Variants in ANGPT1 observed in about 807,000 individuals in gnomAD.
ANGPT1 encodes the protein angiopoietin-1.
ANGPT1 carries 17 observed loss-of-function variants against 62.2 expected under a neutral mutation model. The observed-to-expected ratio is 0.27, with a 90% confidence interval of 0.19 to 0.41. The LOEUF (loss-of-function observed/expected upper bound fraction) is 0.41, where lower values mean the gene tolerates loss of function less well. Among genes scored for constraint, ANGPT1 ranks in the 10% least tolerant of loss-of-function variants. The pLI is 1.00. For missense variants in ANGPT1, 478 were observed against 594.9 expected, an observed-to-expected ratio of 0.80 and a Z score of 2.04; for synonymous variants, 199 against 198.9, an observed-to-expected ratio of 1.00 and a Z score of 0.00.
chr8:107,319,096 AAAG>A (rs1281893148), intron 4 of ANGPT1, among the ~76,000 whole-genome samples: 1 of 152,180 alleles, frequency 6.6e-6, no homozygotes, highest in East Asian at 1.9e-4. Context: ...ATCGAAGGAG[AAAG>A]AAGAAACTAA....
rs149930759 is a variant in ANGPT1, at chr8:107,370,407, A to AGAAAGAAAGAAAGGAAGGAAG, written c.298-23311_298-23310insCTTCCTTCCTTTCTTTCTTTC. ...AAGAAAGAAAGAAAGAAAGAAAGAA[A>AGAAAGAAAGAAAGGAAGGAAG]GAGTCAGGGTCAGTGGCTCAGGCCT... On this transcript the variant is annotated intron_variant, in intron 1 of 8. Coordinates refer to ENST00000517746, the MANE Select transcript of ANGPT1 (RefSeq NM_001146.5). 5.6e-5 allele frequency among the ~76,000 whole-genome samples: 4 copies of AGAAAGAAAGAAAGGAAGGAAG among 71,940 alleles called. 1 individual carries two copies. The highest frequency in any genetic ancestry group is 1.4e-4 in the African/African-American group (3 of 21,004). 47.2% of individuals were successfully genotyped at this position (71,940 alleles called of 152,430 possible).
At chr8:107,278,172 C>A (rs1813909569) in intron 7 of ANGPT1, among the ~76,000 whole-genome samples, 1 of 151,758 alleles carries the variant, frequency 6.6e-6, no homozygotes, top group Non-Finnish European at 1.5e-5. Flanking sequence ...ACCTCCTGGG[C>A]TCAAGCAATC....
chr8:107,344,915 G>T (rs547694188), intron 2 of ANGPT1, among the ~76,000 whole-genome samples: 1 of 152,278 alleles, frequency 6.6e-6, no homozygotes, highest in East Asian at 1.9e-4. Flanking sequence ...ATCAGGATTT[G>T]AGTTCACTTG....
At chr8:107,378,261 T>C (rs1392136637) in intron 1 of ANGPT1, among the ~76,000 whole-genome samples, 1 of 152,194 alleles carries the variant, frequency 6.6e-6, no homozygotes, top group East Asian at 1.9e-4. Context: ...GAACCATATA[T>C]TTTAATCTGC....
At chr8:107,464,060 GGTGA>G (rs1426974054) in intron 1 of ANGPT1, among the ~76,000 whole-genome samples, 1 of 152,130 alleles carries the variant, frequency 6.6e-6, no homozygotes, top group Non-Finnish European at 1.5e-5. Flanking sequence ...AATTTAGTGT[GGTGA>G]GTAAGAACAT....
At chr8:107,307,325 C>T (rs185882385) in intron 4 of ANGPT1, among the ~76,000 whole-genome samples, 1 of 152,218 alleles carries the variant, frequency 6.6e-6, no homozygotes, top group Admixed American at 6.5e-5. Context: ...TCCCAACCCC[C>T]AGATGGGCAT....
intron 1 of ANGPT1, among the ~76,000 whole-genome samples, chr8:107,431,081 T>G (rs1394256463): frequency 6.6e-6 from 1 of 152,196 alleles, no homozygotes; most frequent in Non-Finnish European, 1.5e-5. Flanking sequence ...CTCCCCTTGG[T>G]AAAATGGAGA....
At chr8:107,497,085 C>T (rs1813122387) in intron 1 of ANGPT1, among the ~76,000 whole-genome samples, 177 bp downstream of exon 1, 1 of 152,114 alleles carries the variant, frequency 6.6e-6, no homozygotes, top group Non-Finnish European at 1.5e-5. Context: ...TTGGGCAAGC[C>T]CCCAAACCTT....
At chr8:107,451,612 C>G (rs11991529) in intron 1 of ANGPT1, among the ~76,000 whole-genome samples, 7 of 151,760 alleles carry the variant, frequency 4.6e-5, no homozygotes, top group Non-Finnish European at 1.0e-4. Context: ...AAACATGGAA[C>G]TTGTTATTTT....
intron 1 of ANGPT1, among the ~76,000 whole-genome samples, chr8:107,377,814 A>G (rs34104344): frequency 9.9e-5 from 15 of 152,232 alleles, no homozygotes; most frequent in Admixed American, 2.0e-4. Flanking sequence ...ACGTAAAAAC[A>G]GATGAGTGCA....
At chr8:107,482,428 A>C (rs951792108) in intron 1 of ANGPT1, among the ~76,000 whole-genome samples, 1 of 152,188 alleles carries the variant, frequency 6.6e-6, no homozygotes, top group African/African-American at 2.4e-5. Context: ...ATGGAGACTC[A>C]CTAACCACAG....
intron 8 of ANGPT1, among the ~76,000 whole-genome samples, chr8:107,259,743 T>C (rs1813450858): frequency 6.6e-6 from 1 of 152,086 alleles, no homozygotes; most frequent in African/African-American, 2.4e-5. Flanking sequence ...ATAACATTAA[T>C]AATTTTAGTT....
rs1430777927 is a variant in ANGPT1, at chr8:107,497,445, A to ATGTTGAATCCGGT, written c.101_113dup (p.His38GlnfsTer23). 6.2e-7 allele frequency: 1 copy of ATGTTGAATCCGGT among 1,614,050 alleles called. No individual in the cohort carries two copies. Among genetic ancestry groups the ATGTTGAATCCGGT allele is most frequent in the Non-Finnish European group, 8.5e-7 (1 of 1,180,032 alleles). ...GAATGAAAGTGTAGGCACATTGCCC[A>ATGTTGAATCCGGT]TGTTGAATCCGGTTATATCTTCTCC... is the stretch of plus-strand genomic sequence containing the variant. On this transcript the variant is annotated frameshift_variant, in exon 1 of 9. Coordinates refer to ENST00000517746, the MANE Select transcript of ANGPT1 (RefSeq NM_001146.5). LOFTEE classifies it high-confidence loss of function.
intron 4 of ANGPT1, among the ~76,000 whole-genome samples, chr8:107,314,298 C>T (rs922189259): frequency 2.0e-5 from 3 of 152,172 alleles, no homozygotes; most frequent in African/African-American, 7.2e-5. Context: ...GGAGATATCC[C>T]TTTTCAGATA....
chr8:107,392,337 A>G (rs1380108607), intron 1 of ANGPT1, among the ~76,000 whole-genome samples: 1 of 152,146 alleles, frequency 6.6e-6, no homozygotes, highest in Non-Finnish European at 1.5e-5. Flanking sequence ...GTCTTTTCCC[A>G]TATGCTCAAA....
Position 107,302,035 on chromosome 8 carries a change from A to G in ANGPT1, c.936+1205T>C, listed in dbSNP as rs190252243. 1.5e-3 allele frequency among the ~76,000 whole-genome samples: 225 copies of G among 152,076 alleles called. 1 individual carries two copies. Among genetic ancestry groups the G allele is most frequent in the African/African-American group, 5.2e-3 (216 of 41,522 alleles). On this transcript the variant is annotated intron_variant, in intron 5 of 8. Coordinates refer to ENST00000517746, the MANE Select transcript of ANGPT1 (RefSeq NM_001146.5). ...GTTAGACTGATTTACTATGCACTGCATGGAAGTGTTGATATTGCCATCAGC... is the reference window on the plus strand; with the variant it reads ...GTTAGACTGATTTACTATGCACTGCGTGGAAGTGTTGATATTGCCATCAGC...
intron 2 of ANGPT1, among the ~76,000 whole-genome samples, chr8:107,344,576 T>C (rs1815763489): frequency 6.6e-6 from 1 of 152,212 alleles, no homozygotes; most frequent in Non-Finnish European, 1.5e-5. Flanking sequence ...TGCATTTTGT[T>C]AAGTCATAAA....
chr8:107,467,497 C>T lies in ANGPT1; in HGVS notation c.297+29765G>A, dbSNP rs527435089. 2.6e-5 allele frequency among the ~76,000 whole-genome samples: 4 copies of T among 152,038 alleles called. No individual in the cohort carries two copies. In the South Asian group the frequency reaches 6.2e-4, roughly 24 times the overall value. On this transcript the variant is annotated intron_variant, in intron 1 of 8. Coordinates refer to ENST00000517746, the MANE Select transcript of ANGPT1 (RefSeq NM_001146.5). The stretch of plus-strand genomic sequence containing the variant: ...GATAAGAAAGAACAGGTATAAAAGT[C>T]GTTCACCTGAAGAAACCTGGGGACT...
chr8:107,401,818 A>G (rs566096517), intron 1 of ANGPT1, among the ~76,000 whole-genome samples: 17 of 152,186 alleles, frequency 1.1e-4, no homozygotes, highest in South Asian at 2.1e-4. Context: ...TGCTCATTTT[A>G]TGGATTCTAT....
Sources: allele counts gnomAD v4.1 joint callset (sites outside exome capture counted in the v4.1 genomes callset), GRCh38; gene constraint gnomAD v4.1.1; transcripts MANE v1.5; gene names NCBI Gene and HGNC (gene_info 2026-07-23, HGNC 2026-07-21).